The following TRPV3 variants were observed in gnomAD, a reference collection of about 807,000 sequenced individuals.
TRPV3 encodes the protein VRL-3.
A neutral mutation model predicts 87.1 loss-of-function variants in TRPV3; 88 were observed. The ratio of observed to expected loss-of-function variants is 1.01; its 90% CI spans 0.85 to 1.21. TRPV3 has a LOEUF of 1.21. Among genes scored for constraint, TRPV3 ranks in the 50% most tolerant of loss-of-function variants. The pLI is 0.00. For missense variants in TRPV3, 1,054 were observed against 1,030.1 expected (o/e 1.02, Z -0.32); for synonymous variants, 438 against 423.3 (o/e 1.03, Z -0.43).
intron 11 of TRPV3, 110 bp from the exon 12 acceptor site, chr17:3,527,037 A>C: frequency 1.2e-6 from 1 of 834,538 alleles, no homozygotes; most frequent in Non-Finnish European, 2.0e-6. Context: ...TGAATGCACA[A>C]AGGCCCAGCT....
chr17:3,545,415 C>G, intron 2 of TRPV3, 144 bp from the exon 3 acceptor site: 1 of 581,774 alleles, frequency 1.7e-6, no homozygotes, highest in Non-Finnish European at 3.1e-6. Context: ...GCCCAGCCCT[C>G]CCGGGAGCCC....
At chr17:3,516,424 A>T in intron 16 of TRPV3, 33 bp downstream of exon 16, 1 of 1,564,854 alleles carries the variant, frequency 6.4e-7, no homozygotes, top group Non-Finnish European at 8.8e-7. Flanking sequence ...CACCCCAAAG[A>T]CCACCACCCC....
rs1476794459 is a variant in TRPV3, at chr17:3,511,462, T to A, written c.*2455A>T. On this transcript the variant is annotated 3_prime_UTR_variant, in exon 18 of 18. Transcript: ENST00000576742. ...ATGACTTTGCCCAAGTACACATTCC[T>A]CTCGGAGCATTAGCCTCTGGGCGTA... 1.3e-5 allele frequency: 2 copies of A among 152,238 alleles called. No homozygotes were observed. Among genetic ancestry groups the A allele is most frequent in the Non-Finnish European group, 2.9e-5 (2 of 68,050 alleles). 9.4% of individuals were successfully genotyped at this position (152,238 alleles called of 1,614,324 possible). A position where few individuals can be genotyped will look rare whatever the true frequency, so the allele number is the denominator to read the frequency against.
Position 3,528,470 on chromosome 17 carries a change from C to T in TRPV3, c.1402-344G>A, listed in dbSNP as rs895513995. On this transcript the variant is annotated intron_variant, in intron 10 of 17. Coordinates refer to ENST00000576742, the MANE Select transcript of TRPV3 (RefSeq NM_145068.4). This position sits in a 1 kb window ranked among gnomAD's most constrained non-coding sequence, Gnocchi z 4.2. ...AGCCGAGGCTCTGTGCCCCACGTGA[C>T]GCATGGGAAACCGAAGCCCAGCAGG... Among the ~76,000 whole-genome samples the T allele has an allele frequency of 2.0e-5, 3 of 152,200 alleles. No individual in the cohort carries two copies. The highest frequency in any genetic ancestry group is 6.5e-5 in the Admixed American group (1 of 15,278).
At chr17:3,516,668 G>T in intron 15 of TRPV3, 99 bp from the exon 16 acceptor site, 1 of 832,692 alleles carries the variant, frequency 1.2e-6, no homozygotes, top group Non-Finnish European at 2.1e-6. Flanking sequence ...CTCACCTCAT[G>T]CTTAATGCAT....
At chr17:3,538,445 A>C (rs1352432281) in intron 6 of TRPV3, among the ~76,000 whole-genome samples, 3 of 151,968 alleles carry the variant, frequency 2.0e-5, no homozygotes, top group African/African-American at 7.2e-5. Flanking sequence ...AACAAAAAAA[A>C]AAAAAAAAGG....
At chr17:3,541,537 C>G (rs2074460799) in intron 6 of TRPV3, among the ~76,000 whole-genome samples, 1 of 152,214 alleles carries the variant, frequency 6.6e-6, no homozygotes, top group African/African-American at 2.4e-5. Flanking sequence ...TGATTTTCCC[C>G]TGTGGATTTC....
At chr17:3,544,787 A>G (rs993572622) in intron 3 of TRPV3, 122 bp from the exon 4 acceptor site, 15 of 690,584 alleles carry the variant, frequency 2.2e-5, no homozygotes, top group Non-Finnish European at 3.5e-5. Context: ...ACTTGAGGTC[A>G]GGAGTTCGAG....
chr17:3,554,833 C>A lies in TRPV3; in HGVS notation c.18G>T (p.Lys6Asn), dbSNP rs1449391086. Reference sequence around the variant, plus strand: ...TCTTGCCCATGAGAGGCACCATCTCCTTGGGGTGGGCTTTCATGGCTGGAA... The same window carrying A: ...TCTTGCCCATGAGAGGCACCATCTCATTGGGGTGGGCTTTCATGGCTGGAA... Reference protein sequence around the residue: MKAHPKEMVPLMGKRV... With the variant: MKAHPNEMVPLMGKRV... The change falls in exon 2 of 18, where the codon AAG becomes AAT. Residue 6 changes from lysine (K) to asparagine (N), a missense_variant. Coordinates refer to ENST00000576742, the MANE Select transcript of TRPV3 (RefSeq NM_145068.4). 1 of 1,611,586 alleles carries A rather than the reference C, an allele frequency of 6.2e-7. No homozygotes were observed. Among genetic ancestry groups the A allele is most frequent in the Non-Finnish European group, 8.5e-7 (1 of 1,179,162 alleles).
In TRPV3 at chr17:3,528,755, G is replaced by A. The variant is rs1439916791; in HGVS notation, c.1401+82C>T. The A allele has an allele frequency of 4.5e-6, 7 of 1,556,706 alleles. No homozygotes were observed. Among genetic ancestry groups the A allele is most frequent in the South Asian group, 3.5e-5 (3 of 84,726 alleles). On this transcript the variant is annotated intron_variant, in intron 10 of 17. Coordinates refer to ENST00000576742, the MANE Select transcript of TRPV3 (RefSeq NM_145068.4). The surrounding 1 kb of genome is among the most constrained non-coding windows in gnomAD (Gnocchi z 4.2). ...AATCTCCTGGTCTCTCTGGGCCTCA[G>A]TTTTCCCACCTGCACGTGGGGCAGC...
chr17:3,521,713 AATT>A lies in TRPV3; in HGVS notation c.1744-677_1744-675del, dbSNP rs1052398151. ...ACCTCAATAAAGCTGGGGGTAAAGA[AATT>A]ATTATTTGTATTGCCAAAAAATTAA... On this transcript the variant is annotated intron_variant, in intron 13 of 17. Coordinates refer to ENST00000576742, the MANE Select transcript of TRPV3 (RefSeq NM_145068.4). 3.6e-4 allele frequency among the ~76,000 whole-genome samples: 55 copies of A among 152,310 alleles called. 1 individual carries two copies. The highest frequency in any genetic ancestry group is 1.3e-3 in the African/African-American group (52 of 41,572).
chr17:3,540,920 C>T (rs553458527), intron 6 of TRPV3, among the ~76,000 whole-genome samples: 22 of 152,222 alleles, frequency 1.4e-4, no homozygotes, highest in African/African-American at 4.8e-4. Context: ...TTCCTCTCCT[C>T]CACTCCATAT....
intron 13 of TRPV3, among the ~76,000 whole-genome samples, chr17:3,522,010 G>A (rs2074251007): frequency 6.6e-6 from 1 of 152,022 alleles, no homozygotes; most frequent in South Asian, 2.1e-4. Flanking sequence ...CAGGAGGAAG[G>A]GGTTGCAGTG....
rs322965 is a variant in TRPV3, at chr17:3,554,778, T to C, written c.73A>G (p.Ile25Val). The change falls in exon 2 of 18, where the codon ATC becomes GTC. Residue 25 changes from isoleucine (I) to valine (V), a missense_variant. By Grantham distance (29) the Ile-to-Val change is conservative (BLOSUM62 3). Transcript: ENST00000576742. ...TCCGCCGGCCTCTTCTCTGGCAGGA[T>C]GGCAGGGTTCCCACTGGGGGCAGCA... ...RVAAPSGNPA[I>V]LPEKRPAEIT... 1,612,382 of 1,612,910 alleles carry C rather than the reference T, an allele frequency of 1. 805,928 individuals are homozygous for C. Among genetic ancestry groups the C allele is most frequent in the South Asian group, 1 (90,766 of 90,766 alleles).
chr17:3,543,710 G>T (rs917724414), intron 4 of TRPV3, 82 bp from the exon 5 acceptor site: 1 of 1,567,140 alleles, frequency 6.4e-7, no homozygotes, highest in Non-Finnish European at 8.7e-7. Flanking sequence ...AGCTGCCTAC[G>T]GGGCGCTGCA....
chr17:3,538,101 G>C (rs1597483806), intron 6 of TRPV3, among the ~76,000 whole-genome samples: 1 of 151,854 alleles, frequency 6.6e-6, no homozygotes, highest in East Asian at 1.9e-4. Context: ...GGGAGGCTGA[G>C]GCAGGAGAAT....
intron 2 of TRPV3, chr17:3,553,185 C>G (rs2074595647): frequency 6.6e-6 from 1 of 152,624 alleles, no homozygotes; most frequent in African/African-American, 2.4e-5. Flanking sequence ...GATACTGGCA[C>G]CTGTCTGTGC....
At chr17:3,522,901 T>C (rs969842723) in intron 13 of TRPV3, among the ~76,000 whole-genome samples, 5 of 152,030 alleles carry the variant, frequency 3.3e-5, no homozygotes, top group Non-Finnish European at 5.9e-5. Context: ...TTGTATAGTA[T>C]ATTTTCATTA....
chr17:3,529,124 TG>T (rs1394456749), intron 9 of TRPV3, 129 bp from the exon 10 acceptor site: 9 of 1,086,160 alleles, frequency 8.3e-6, no homozygotes, highest in Non-Finnish European at 1.2e-5. Flanking sequence ...TGGACTGGTC[TG>T]GTTGGAAATG....
Sources: gnomAD v4.1 joint callset for allele counts (sites outside exome capture counted in the v4.1 genomes callset) on GRCh38, gnomAD v4.1.1 for gene constraint, Gnocchi (gnomAD v3.1) non-coding constraint, MANE v1.5 for transcripts, NCBI Gene and HGNC (gene_info 2026-07-23, HGNC 2026-07-21) for gene names.